The following ELAVL2 variants were observed in gnomAD, a reference collection of about 807,000 sequenced individuals.
The protein encoded by ELAVL2 is ELAV like RNA binding protein 2.
ELAVL2 carries 4 observed loss-of-function variants against 34.6 expected under a neutral mutation model. The observed-to-expected ratio is 0.12, with a 90% CI of 0.06 to 0.26. The LOEUF is 0.26. Among genes scored for constraint, ELAVL2 ranks in the 10% least tolerant of loss-of-function variants. ELAVL2 has a pLI of 1.00. For synonymous variants in ELAVL2, 193 were observed against 154.8 expected, an observed-to-expected ratio of 1.25 and a Z score of -1.83; for missense variants, 432 against 442.8, an observed-to-expected ratio of 0.98 and a Z score of 0.22.
intron 2 of ELAVL2, among the ~76,000 whole-genome samples, chr9:23,737,079 G>A (rs748809074): frequency 2.0e-5 from 3 of 152,080 alleles, no homozygotes; most frequent in Non-Finnish European, 2.9e-5. Flanking sequence ...ATATTATTCC[G>A]TTATCTTTGT....
chr9:23,736,972 C>A (rs1564174918), intron 2 of ELAVL2, among the ~76,000 whole-genome samples: 1 of 152,158 alleles, frequency 6.6e-6, no homozygotes. Context: ...CCCATGTATC[C>A]TTTGAGACTC....
At chr9:23,776,335 A>C (rs2058185610) in intron 1 of ELAVL2, among the ~76,000 whole-genome samples, 1 of 152,204 alleles carries the variant, frequency 6.6e-6, no homozygotes, top group South Asian at 2.1e-4. Context: ...AACCTCAGGG[A>C]GGAACCAGGG....
chr9:23,811,128 T>A (rs2138085232), intron 1 of ELAVL2, among the ~76,000 whole-genome samples: 1 of 152,194 alleles, frequency 6.6e-6, no homozygotes, highest in Admixed American at 6.5e-5. Flanking sequence ...TATTATTCAC[T>A]CTAAAACCAA....
intron 3 of ELAVL2, among the ~76,000 whole-genome samples, chr9:23,713,183 A>T (rs2041440132): frequency 6.6e-6 from 1 of 152,222 alleles, no homozygotes; most frequent in African/African-American, 2.4e-5. Context: ...AAGTTGGTTC[A>T]ACAAGGACAT....
At chr9:23,819,434 A>G (rs77195507) in intron 1 of ELAVL2, among the ~76,000 whole-genome samples, 1 of 152,318 alleles carries the variant, frequency 6.6e-6, no homozygotes, top group Admixed American at 6.5e-5. Flanking sequence ...CTGAGTGTCA[A>G]AAGAGTGGTA....
At chr9:23,725,386 A>G (rs895532540) in intron 3 of ELAVL2, among the ~76,000 whole-genome samples, 13 of 152,262 alleles carry the variant, frequency 8.5e-5, no homozygotes, top group South Asian at 6.2e-4. Flanking sequence ...ATGCCCTACT[A>G]AAGTCATGAA....
chr9:23,695,598 T>C (rs1291879292), intron 5 of ELAVL2, among the ~76,000 whole-genome samples: 1 of 152,134 alleles, frequency 6.6e-6, no homozygotes, highest in Non-Finnish European at 1.5e-5. Context: ...CAAACCTAGA[T>C]GGTAATAGCC....
chr9:23,758,186 A>G (rs2054030153), intron 2 of ELAVL2, among the ~76,000 whole-genome samples: 1 of 152,030 alleles, frequency 6.6e-6, no homozygotes, highest in Non-Finnish European at 1.5e-5. Flanking sequence ...GTACTGAGAA[A>G]CTGCACAAGA....
chr9:23,778,635 A>C (rs945704774), intron 1 of ELAVL2, among the ~76,000 whole-genome samples: 1 of 152,186 alleles, frequency 6.6e-6, no homozygotes, highest in Non-Finnish European at 1.5e-5. Flanking sequence ...CAAATGTGCT[A>C]AAGAGTATAT....
intron 5 of ELAVL2, among the ~76,000 whole-genome samples, chr9:23,698,085 C>G (rs7045058): frequency 0.023 from 3,442 of 152,210 alleles, 144 homozygotes; most frequent in African/African-American, 0.079. Context: ...CTCAAGTGCT[C>G]ATTTAAAAGG....
intron 1 of ELAVL2, among the ~76,000 whole-genome samples, chr9:23,796,409 A>G (rs1459546506): frequency 6.6e-6 from 1 of 152,378 alleles, no homozygotes; most frequent in East Asian, 1.9e-4. Flanking sequence ...CATCACATAA[A>G]AGGACTCTCA....
the ELAVL2 span, among the ~76,000 whole-genome samples, chr9:23,848,737 G>C: frequency 6.6e-6 from 1 of 152,040 alleles, no homozygotes; most frequent in Non-Finnish European, 1.5e-5. Flanking sequence ...AATAGGTCTT[G>C]AGAAATGTAG....
Position 23,704,919 on chromosome 9 carries a change from A to C in ELAVL2, c.486T>G (p.Thr162=), listed in dbSNP as rs778552185. Residue 162 remains threonine, a splice_region_variant and synonymous_variant, in exon 4 of 7, where the codon ACT becomes ACG. Coordinates refer to ENST00000397312, the MANE Select transcript of ELAVL2 (RefSeq NM_004432.5). ...ITSRILVDQV[T]GISRGVGFIR... ...TGTCCGGAGTGGCTGTCTACTTACC[A>C]GTGACCTGGTCGACAAGAATACGAG... 6.2e-7 allele frequency: 1 copy of C among 1,614,064 alleles called. No homozygotes were observed. Among genetic ancestry groups the C allele is most frequent in the Non-Finnish European group, 8.5e-7 (1 of 1,179,972 alleles).
intron 5 of ELAVL2, among the ~76,000 whole-genome samples, chr9:23,693,823 T>C (rs1044717308): frequency 2.0e-5 from 3 of 152,210 alleles, no homozygotes; most frequent in African/African-American, 7.2e-5. Flanking sequence ...TATAGCTACA[T>C]GTTCTTTATA....
rs1022309196 is a variant in ELAVL2 at position 23,690,374 on chromosome 9, T to C, written c.*2183A>G. ...TACAGTAGTATAGGAAAGAAGCATG[T>C]AGCTGCTGTTTTCCCTTGAGGGAAA... On this transcript the variant is annotated 3_prime_UTR_variant, in exon 7 of 7. Transcript: ENST00000397312. 6.6e-6 allele frequency: 1 copy of C among 152,602 alleles called. No individual in the cohort carries two copies. Among genetic ancestry groups the C allele is most frequent in the African/African-American group, 2.4e-5 (1 of 41,466 alleles). 9.5% of individuals were successfully genotyped at this position (152,602 alleles called of 1,614,324 possible). A position where few individuals can be genotyped will look rare whatever the true frequency, so the allele number is the denominator to read the frequency against.
intron 2 of ELAVL2, among the ~76,000 whole-genome samples, chr9:23,741,027 G>A (rs1343933911): frequency 6.6e-6 from 1 of 152,172 alleles, no homozygotes; most frequent in Non-Finnish European, 1.5e-5. Context: ...GTAAACAAGG[G>A]AGAGAGGCAG....
chr9:23,779,133 G>A (rs1231621700), intron 1 of ELAVL2: 3 of 948,244 alleles, frequency 3.2e-6, no homozygotes, highest in East Asian at 1.2e-4. Context: ...AAATTTCCAG[G>A]TTAACGCTCT....
At chr9:23,751,179 A>G (rs1299631622) in intron 2 of ELAVL2, among the ~76,000 whole-genome samples, 1 of 152,140 alleles carries the variant, frequency 6.6e-6, no homozygotes, top group South Asian at 2.1e-4. Flanking sequence ...CGCCATACAC[A>G]TTTTCCCTAC....
intron 1 of ELAVL2, chr9:23,765,081 G>C: frequency 1.2e-6 from 2 of 1,605,606 alleles, no homozygotes; most frequent in East Asian, 2.2e-5. Flanking sequence ...TGACTGCCAT[G>C]TTAGTTTGGA....
Sources: allele counts gnomAD v4.1 joint callset (sites outside exome capture counted in the v4.1 genomes callset), GRCh38; gene constraint gnomAD v4.1.1; transcripts MANE v1.5; gene names NCBI Gene and HGNC (gene_info 2026-07-23, HGNC 2026-07-21).